Variants in TBC1D9B observed in about 807,000 individuals in gnomAD.
TBC1D9B encodes the protein TBC1 domain family member 9B, also known as TBC1 domain family, member 9B (with GRAM domain).
Under a neutral mutation model 121.1 loss-of-function variants are expected in TBC1D9B, and 87 were observed. The observed-to-expected ratio is 0.72, with a 90% CI of 0.60 to 0.86. The LOEUF (loss-of-function observed/expected upper bound fraction) is 0.86, where lower values mean the gene tolerates loss of function less well. Ranked by LOEUF, TBC1D9B falls within the 40% of genes least tolerant of loss-of-function variation. The pLI, the probability that TBC1D9B is intolerant of heterozygous loss-of-function variation, is 0.00. For missense variants in TBC1D9B, 1,540 were observed against 1,628.6 expected, an observed-to-expected ratio of 0.95 and a Z score of 0.94; for synonymous variants, 668 against 670.1, an observed-to-expected ratio of 1.00 and a Z score of 0.05.
intron 2 of TBC1D9B, among the ~76,000 whole-genome samples, chr5:179,900,291 G>A (rs762114097): frequency 1.1e-4 from 16 of 152,190 alleles, no homozygotes; most frequent in South Asian, 2.1e-4. Flanking sequence ...TTAAGGAATC[G>A]GGGAAGAAGC....
intron 7 of TBC1D9B, among the ~76,000 whole-genome samples, chr5:179,880,485 C>T (rs1328393381): frequency 6.6e-6 from 1 of 152,216 alleles, no homozygotes; most frequent in Non-Finnish European, 1.5e-5. Flanking sequence ...CTACCCCTCA[C>T]ACCCTCCCAC....
rs1212325066 is a variant in TBC1D9B, at chr5:179,893,330, T to C, written c.715A>G (p.Lys239Glu). 1.2e-6 allele frequency: 2 copies of C among 1,613,944 alleles called. No homozygotes were observed. The highest frequency in any genetic ancestry group is 1.3e-5 in the African/African-American group (1 of 74,912). ...AGGTTGGCCAACTGCTCCATGAGCTTGAAGGTCTCGCCGATGTTGAGGAAC... is the reference window on the plus strand; with the variant it reads ...AGGTTGGCCAACTGCTCCATGAGCTCGAAGGTCTCGCCGATGTTGAGGAAC... ...SMFLNIGETF[K>E]LMEQLANLAM... The change falls in exon 5 of 21, where the codon AAG (lysine) becomes GAG (glutamate). Residue 239 changes from lysine (K) to glutamate (E), a missense_variant. Transcript: ENST00000355235.
intron 18 of TBC1D9B, chr5:179,867,137 C>T (rs917216749): frequency 2.3e-5 from 7 of 307,302 alleles, no homozygotes; most frequent in Non-Finnish European, 3.7e-5. Flanking sequence ...GTCTTTCACA[C>T]GCTCCAATGA....
intron 14 of TBC1D9B, 147 bp downstream of exon 14, chr5:179,872,745 C>A: frequency 1.4e-6 from 1 of 723,908 alleles, no homozygotes; most frequent in South Asian, 1.8e-5. Flanking sequence ...ACCCCTGGAT[C>A]CCGGTCCCAT....
intron 7 of TBC1D9B, chr5:179,887,889 A>AGT: frequency 1.6e-6 from 1 of 626,236 alleles, no homozygotes; most frequent in South Asian, 1.9e-5. Context: ...AGGAGTGAGG[A>AGT]GTACCGGGTG....
chr5:179,895,233 A>G (rs1760985611), intron 3 of TBC1D9B, among the ~76,000 whole-genome samples: 1 of 152,234 alleles, frequency 6.6e-6, no homozygotes, highest in African/African-American at 2.4e-5. Context: ...AACATGGTAA[A>G]AAATGCATAC....
chr5:179,891,389 G>C lies in TBC1D9B; in HGVS notation c.1034C>G (p.Pro345Arg), dbSNP rs766529720. The change falls in exon 6 of 21, where the codon CCC becomes CGC. Residue 345 changes from proline (P) to arginine (R), a missense_variant. Coordinates refer to ENST00000355235, the MANE Select transcript of TBC1D9B (RefSeq NM_015043.4). The surrounding 1 kb of genome is among the most constrained non-coding windows in gnomAD (Gnocchi z 4.3). ...KEEDACHLII[P>R]LREVTIVEKA... is the part of the protein sequence containing the mutation. ...CTAGGGGATGCTGACCTCCCTCAGG[G>C]GTATGATGAGGTGGCAAGCGTCCTC... 1 of 1,614,108 alleles carries C rather than the reference G, an allele frequency of 6.2e-7. No individual in the cohort carries two copies. Among genetic ancestry groups the C allele is most frequent in the Non-Finnish European group, 8.5e-7 (1 of 1,180,034 alleles).
At position 179,907,632 on chromosome 5, in the gene TBC1D9B, G is replaced by T; in HGVS notation, c.118+72C>A. The T allele has an allele frequency of 2.4e-6, 2 of 834,362 alleles. No individual in the cohort carries two copies. The highest frequency in any genetic ancestry group is 2.9e-6 in the Non-Finnish European group (2 of 694,942). 51.7% of individuals were successfully genotyped at this position (834,362 alleles called of 1,614,324 possible). A position where few individuals can be genotyped will look rare whatever the true frequency, so the allele number is the denominator to read the frequency against. On this transcript the variant is annotated intron_variant, in intron 1 of 20. Coordinates refer to ENST00000355235, the MANE Select transcript of TBC1D9B (RefSeq NM_015043.4). This position sits in a 1 kb window ranked among gnomAD's most constrained non-coding sequence, Gnocchi z 5.3. The stretch of plus-strand genomic sequence containing the variant: ...GGCCGGGCCGGAACCGGACCCGCCC[G>T]CCGCCCGCCGCCAGCCCCGCCGCCA...
At chr5:179,880,484 ACACCCTCCCACTGG>A (rs1276754753) in intron 7 of TBC1D9B, among the ~76,000 whole-genome samples, 1 of 152,084 alleles carries the variant, frequency 6.6e-6, no homozygotes, top group Non-Finnish European at 1.5e-5. Context: ...TCTACCCCTC[ACACCCTCCCACTGG>A]CTCTGGTCCC....
At chr5:179,886,177 A>G (rs1290518560) in intron 7 of TBC1D9B, among the ~76,000 whole-genome samples, 1 of 151,874 alleles carries the variant, frequency 6.6e-6, no homozygotes, top group Non-Finnish European at 1.5e-5. Context: ...ATCCTGCTTT[A>G]TTTCTACCCA....
At position 179,902,503 on chromosome 5, in the gene TBC1D9B, C is replaced by G. The variant is rs1410168541; in HGVS notation, c.229+2199G>C. Reference sequence around the variant, plus strand: ...GCAGGAAAGGGAGGCACAGCCAGGGCCAGTGCAGGGCTTTGGGCCTGGCAG... The same window carrying G: ...GCAGGAAAGGGAGGCACAGCCAGGGGCAGTGCAGGGCTTTGGGCCTGGCAG... On this transcript the variant is annotated intron_variant, in intron 2 of 20. Transcript: ENST00000355235. This position sits in a 1 kb window ranked among gnomAD's most constrained non-coding sequence, Gnocchi z 4.9. Among the ~76,000 whole-genome samples, 1 of 152,152 alleles carries G rather than the reference C, an allele frequency of 6.6e-6. No homozygotes were observed. Among genetic ancestry groups the G allele is most frequent in the Non-Finnish European group, 1.5e-5 (1 of 68,010 alleles).
rs947152618 is a variant in TBC1D9B, at chr5:179,875,259, C to T, written c.1901-72G>A. The T allele has an allele frequency of 3.3e-5, 50 of 1,537,760 alleles. No homozygotes were observed. Among genetic ancestry groups the T allele is most frequent in the Middle Eastern group, 2.2e-4 (1 of 4,550 alleles). On this transcript the variant is annotated intron_variant, in intron 11 of 20. Transcript: ENST00000355235. This position sits in a 1 kb window ranked among gnomAD's most constrained non-coding sequence, Gnocchi z 4.5. ...TGGGTGGGCCCTCACCTGCAGCGTACGAGCCCTGGCCACTCCAGCCCTGCC... is the reference window on the plus strand; with the variant it reads ...TGGGTGGGCCCTCACCTGCAGCGTATGAGCCCTGGCCACTCCAGCCCTGCC...
Position 179,865,830 on chromosome 5 carries a change from G to T in TBC1D9B, c.2914+8C>A, listed in dbSNP as rs1187886456. 4 of 1,600,778 alleles carry T rather than the reference G, an allele frequency of 2.5e-6. No homozygotes were observed. The highest frequency in any genetic ancestry group is 3.4e-6 in the Non-Finnish European group (4 of 1,173,234). On this transcript the variant is annotated splice_region_variant and intron_variant, in intron 19 of 20. Transcript: ENST00000355235. This position sits in a 1 kb window ranked among gnomAD's most constrained non-coding sequence, Gnocchi z 5.1. The stretch of plus-strand genomic sequence containing the variant: ...TCTCTAAGAACAGCGGCAGAGAATG[G>T]CCTGTACCTCCTCTCTCCTCACTTC...
intron 20 of TBC1D9B, among the ~76,000 whole-genome samples, chr5:179,864,495 C>T (rs748964341): frequency 2.7e-5 from 4 of 150,890 alleles, no homozygotes; most frequent in East Asian, 2.0e-4. Context: ...TGGTTTTAAT[C>T]AGAAGCAGCC....
In TBC1D9B at chr5:179,894,378, G is replaced by T; in HGVS notation, c.577+8C>A. 2 of 1,606,620 alleles carry T rather than the reference G, an allele frequency of 1.2e-6. No individual in the cohort carries two copies. The highest frequency in any genetic ancestry group is 2.2e-5 in the East Asian group (1 of 44,608). On this transcript the variant is annotated splice_region_variant and intron_variant, in intron 4 of 20. Coordinates refer to ENST00000355235, the MANE Select transcript of TBC1D9B (RefSeq NM_015043.4). The stretch of plus-strand genomic sequence containing the variant: ...TGGGGGCTGGGGCACACTGAGGGGC[G>T]GGCTCACCTTCCTTCCCCAGCAGGA...
In TBC1D9B at chr5:179,881,946, G is replaced by T. The variant is rs1183331586; in HGVS notation, c.1255-2157C>A. 2.8e-3 allele frequency among the ~76,000 whole-genome samples: 361 copies of T among 128,244 alleles called. 5 individuals are homozygous for T. Among genetic ancestry groups the T allele is most frequent in the African/African-American group, 0.011 (337 of 29,948 alleles). The allele number at this position is 128,244 out of a possible 152,430, so 84.1% of individuals were successfully genotyped here. A position where few individuals can be genotyped will look rare whatever the true frequency, so the allele number is the denominator to read the frequency against. ...TTCCATATCTTTCCATATACCTTCC[G>T]TTTTTTTTTTTTTTTTGAGATGGAG... On this transcript the variant is annotated intron_variant, in intron 7 of 20. Transcript: ENST00000355235.
At chr5:179,906,286 G>A (rs1180385403) in intron 1 of TBC1D9B, among the ~76,000 whole-genome samples, 1 of 152,142 alleles carries the variant, frequency 6.6e-6, no homozygotes, top group Non-Finnish European at 1.5e-5. Context: ...GGGAGAGATT[G>A]GGAGAGGGTT....
Position 179,890,049 on chromosome 5 carries a change from G to A in TBC1D9B, c.1044+1330C>T, listed in dbSNP as rs1015049646. 6.6e-6 allele frequency among the ~76,000 whole-genome samples: 1 copy of A among 152,084 alleles called. No individual in the cohort carries two copies. On this transcript the variant is annotated intron_variant, in intron 6 of 20. Transcript: ENST00000355235. This position sits in a 1 kb window ranked among gnomAD's most constrained non-coding sequence, Gnocchi z 5.0. ...GAGAGGTCGGAATCTAGGCCGATACGTGGCTTTTACCTGGGCAAAGGGTGG... is the reference window on the plus strand; with the variant it reads ...GAGAGGTCGGAATCTAGGCCGATACATGGCTTTTACCTGGGCAAAGGGTGG...
rs756042913 is a variant in TBC1D9B at position 179,864,060 on chromosome 5, C to T, written c.3090G>A (p.Leu1030=). 4 of 1,613,732 alleles carry T rather than the reference C, an allele frequency of 2.5e-6. No individual in the cohort carries two copies. The South Asian group carries it at 4.4e-5, about 18-fold the overall frequency. Residue 1030 remains leucine (L), a synonymous_variant, in exon 21 of 21, where the codon CTG becomes CTA. Transcript: ENST00000355235. ...MFSEDPMEQD[L]YHAIATVASL... ...TGGCCACGGTGGCGATGGCGTGGTA[C>T]AGGTCCTGCTCCATGGGGTCTTCAC...
Sources: gnomAD v4.1 joint callset for allele counts (sites outside exome capture counted in the v4.1 genomes callset) on GRCh38, gnomAD v4.1.1 for gene constraint, Gnocchi (gnomAD v3.1) non-coding constraint, MANE v1.5 for transcripts, NCBI Gene and HGNC (gene_info 2026-07-23, HGNC 2026-07-21) for gene names.